IMPA2: variants seen among roughly 807,000 people sequenced by gnomAD.
IMPA2 encodes the protein inositol monophosphatase 2.
In IMPA2, 32 loss-of-function variants were observed where a neutral mutation model predicts 35.1. That is an observed-to-expected ratio of 0.91 (90% confidence interval 0.69 to 1.23). IMPA2 has a LOEUF of 1.23. Among genes scored for constraint, IMPA2 ranks in the 50% most tolerant of loss-of-function variants. The probability of loss-of-function intolerance (pLI) is 0.00; values close to 1 mark genes in which losing one functional copy is unlikely to be tolerated. For missense variants in IMPA2, 334 were observed against 387.6 expected (o/e 0.86, Z 1.16); for synonymous variants, 135 against 160.6 (o/e 0.84, Z 1.20).
chr18:12,026,169 G>T (rs1033013780), intron 5 of IMPA2, among the ~76,000 whole-genome samples: 1 of 151,700 alleles, frequency 6.6e-6, no homozygotes, highest in Non-Finnish European at 1.5e-5. Context: ...TGCTAGCTTG[G>T]ATTACAGGCA....
intron 2 of IMPA2, among the ~76,000 whole-genome samples, chr18:12,005,686 CAG>C (rs748841142): frequency 3.9e-5 from 6 of 152,166 alleles, no homozygotes; most frequent in Non-Finnish European, 7.3e-5. Context: ...AATGAACAGA[CAG>C]AGCTCCTGCT....
At chr18:12,029,102 G>GT in intron 7 of IMPA2, 109 bp downstream of exon 7, 3 of 394,208 alleles carry the variant, frequency 7.6e-6, no homozygotes, top group South Asian at 3.7e-5. Context: ...CTTCCCCAGA[G>GT]TTTCTGTTTT....
chr18:12,029,314 TG>T (rs1907980520), intron 7 of IMPA2, among the ~76,000 whole-genome samples: 1 of 150,010 alleles, frequency 6.7e-6, no homozygotes, highest in South Asian at 2.1e-4. Context: ...CGGGGTTTCA[TG>T]GTGTCAGCCA....
At chr18:12,029,045 C>A in intron 7 of IMPA2, 52 bp downstream of exon 7, 1 of 1,555,974 alleles carries the variant, frequency 6.4e-7, no homozygotes, top group Non-Finnish European at 8.7e-7. Flanking sequence ...CTGAGAGACA[C>A]TGTGGGTGGG....
intron 5 of IMPA2, among the ~76,000 whole-genome samples, chr18:12,022,528 A>AAAAAATATATATATAT (rs68185380): frequency 1.0e-5 from 1 of 96,822 alleles, no homozygotes; most frequent in African/African-American, 4.3e-5. Context: ...TCTCAAAAAG[A>AAAAAATATATATATAT]ATATATATAT....
At chr18:12,008,449 C>G (rs1262649745) in intron 2 of IMPA2, 1 of 498,206 alleles carries the variant, frequency 2.0e-6, no homozygotes, top group South Asian at 1.4e-5. Context: ...TGCCCAAGGC[C>G]TCACCCTTAG....
rs113551977 is a variant in IMPA2, at chr18:12,010,101, G to C, written c.335+114G>C. On this transcript the variant is annotated intron_variant, in intron 3 of 7. Transcript: ENST00000269159. This position sits in a 1 kb window ranked among gnomAD's most constrained non-coding sequence, Gnocchi z 4.8. The stretch of plus-strand genomic sequence containing the variant: ...GCAGGAATATATAAACAAACCTATA[G>C]TACACTCATAGTCTCATCAGAAAGA... The C allele has an allele frequency of 8.6e-6, 6 of 698,852 alleles. No homozygotes were observed. Among genetic ancestry groups the C allele is most frequent in the Non-Finnish European group, 1.5e-5 (6 of 397,418 alleles). The allele number at this position is 698,852 out of a possible 1,614,324, so 43.3% of individuals were successfully genotyped here.
intron 5 of IMPA2, among the ~76,000 whole-genome samples, chr18:12,015,292 C>G (rs888861604): frequency 6.6e-6 from 1 of 152,206 alleles, no homozygotes; most frequent in South Asian, 2.1e-4. Flanking sequence ...GCCTCCCTGC[C>G]GCCTCCCCTC....
chr18:12,022,540 T>A (rs1034387801), intron 5 of IMPA2, among the ~76,000 whole-genome samples: 5 of 141,380 alleles, frequency 3.5e-5, no homozygotes, highest in African/African-American at 1.0e-4. Flanking sequence ...TATATATATA[T>A]ATATATATAT....
intron 1 of IMPA2, among the ~76,000 whole-genome samples, chr18:11,996,873 G>A (rs975534077): frequency 6.6e-6 from 1 of 151,392 alleles, no homozygotes; most frequent in Admixed American, 6.6e-5. Flanking sequence ...CACACACCCA[G>A]AAATCCATAC....
intron 5 of IMPA2, 50 bp from the exon 6 acceptor site, chr18:12,027,987 CTTAGTT>C (rs1427632946): frequency 1.7e-6 from 2 of 1,157,508 alleles, no homozygotes; most frequent in Non-Finnish European, 2.6e-6. Flanking sequence ...GCCTGTACTC[CTTAGTT>C]AGAACCAAGA....
intron 5 of IMPA2, among the ~76,000 whole-genome samples, chr18:12,015,447 C>T (rs1907551978): frequency 6.6e-6 from 1 of 152,248 alleles, no homozygotes; most frequent in Non-Finnish European, 1.5e-5. Context: ...ATGGCCATGG[C>T]CCATCTCTGC....
At chr18:11,994,817 A>G (rs1345988807) in intron 1 of IMPA2, 1 of 152,570 alleles carries the variant, frequency 6.6e-6, no homozygotes, top group African/African-American at 2.4e-5. Flanking sequence ...GAGCAGACAC[A>G]TGGAGTGATA....
intron 4 of IMPA2, among the ~76,000 whole-genome samples, chr18:12,013,222 G>A (rs112377578): frequency 3.5e-4 from 54 of 152,270 alleles, no homozygotes; most frequent in African/African-American, 1.3e-3. Flanking sequence ...TTCGTGGTGG[G>A]CTCCTCCCCA....
At chr18:12,029,277 G>A (rs1212040421) in intron 7 of IMPA2, among the ~76,000 whole-genome samples, 1 of 151,442 alleles carries the variant, frequency 6.6e-6, no homozygotes, top group African/African-American at 2.4e-5. Flanking sequence ...ACCATGCCTG[G>A]CTAATTTTTT....
chr18:12,027,855 T>C (rs181732704), intron 5 of IMPA2, among the ~76,000 whole-genome samples, 188 bp from the exon 6 acceptor site: 5 of 152,134 alleles, frequency 3.3e-5, no homozygotes, highest in Admixed American at 6.5e-5. Flanking sequence ...GTGCTGGCAT[T>C]ACAGGCACGA....
chr18:12,009,804 T>C, intron 2 of IMPA2, 79 bp from the exon 3 acceptor site: 3 of 1,043,222 alleles, frequency 2.9e-6, no homozygotes, highest in South Asian at 1.3e-5. Context: ...CCTTTTTCTT[T>C]AATGGGACTG....
chr18:12,014,116 C>T, intron 4 of IMPA2, 149 bp from the exon 5 acceptor site: 1 of 641,544 alleles, frequency 1.6e-6, no homozygotes, highest in Admixed American at 2.6e-5. Flanking sequence ...ACTGCTTTTT[C>T]TCAGTTCCTT....
chr18:11,993,221 A>G (rs1291284441), intron 1 of IMPA2, among the ~76,000 whole-genome samples: 1 of 152,242 alleles, frequency 6.6e-6, no homozygotes, highest in Non-Finnish European at 1.5e-5. Flanking sequence ...GAACCCATAT[A>G]GAATTTGAAT....
Sources: allele counts gnomAD v4.1 joint callset (sites outside exome capture counted in the v4.1 genomes callset), GRCh38; gene constraint gnomAD v4.1.1; non-coding constraint Gnocchi (gnomAD v3.1); transcripts MANE v1.5; gene names NCBI Gene and HGNC (gene_info 2026-07-23, HGNC 2026-07-21).